ADRA1A: variants seen among roughly 807,000 people sequenced by gnomAD.
ADRA1A encodes the protein adrenoceptor alpha 1A, also known as alpha-1A adrenergic receptor.
A neutral mutation model predicts 29.6 loss-of-function variants in ADRA1A; 31 were observed. That is an observed-to-expected ratio of 1.05 (90% CI 0.79 to 1.41). ADRA1A has a LOEUF of 1.41. Among genes scored for constraint, ADRA1A ranks in the 40% most tolerant of loss-of-function variants. The probability of loss-of-function intolerance (pLI) is 0.00; values close to 1 mark genes in which losing one functional copy is unlikely to be tolerated. For missense variants in ADRA1A, 619 were observed against 601.1 expected (o/e 1.03, Z -0.31); for synonymous variants, 311 against 254.3 (o/e 1.22, Z -2.12).
downstream of ADRA1A, among the ~76,000 whole-genome samples, chr8:26,755,685 C>T (rs376029940): frequency 3.3e-5 from 5 of 152,326 alleles, no homozygotes; most frequent in African/African-American, 1.2e-4. Context: ...GGCTGAGGCC[C>T]TTCACCAAGC....
intron 2 of ADRA1A, among the ~76,000 whole-genome samples, chr8:26,822,995 C>G (rs1025826769): frequency 1.3e-5 from 2 of 152,186 alleles, no homozygotes; most frequent in African/African-American, 4.8e-5. Flanking sequence ...TCACCTCCCA[C>G]CAGGCCCCAC....
downstream of ADRA1A, among the ~76,000 whole-genome samples, chr8:26,763,855 T>C (rs1315426284): frequency 1.3e-5 from 2 of 152,170 alleles, no homozygotes; most frequent in Admixed American, 6.5e-5. This position sits in a 1 kb window ranked among gnomAD's most constrained non-coding sequence, Gnocchi z 4.5. Context: ...CAGATAAGAA[T>C]GTGTGATAGA....
intron 2 of ADRA1A, among the ~76,000 whole-genome samples, chr8:26,801,115 A>G (rs1808545542): frequency 6.6e-6 from 1 of 152,214 alleles, no homozygotes. Flanking sequence ...TTGGGTATAG[A>G]AAGAACATAT....
At chr8:26,838,633 G>A (rs778756739) in intron 2 of ADRA1A, among the ~76,000 whole-genome samples, 25 of 152,198 alleles carry the variant, frequency 1.6e-4, no homozygotes, top group Non-Finnish European at 2.9e-4. Flanking sequence ...GAAGAACTGA[G>A]CCCTGGAGAG....
intron 2 of ADRA1A, among the ~76,000 whole-genome samples, chr8:26,776,939 G>A (rs1223777652): frequency 6.6e-6 from 1 of 152,200 alleles, no homozygotes; most frequent in African/African-American, 2.4e-5. Flanking sequence ...CATCCAATGA[G>A]CAGAGGAGAG....
chr8:26,749,776 C>T (rs1012598651), intron 2 of ADRA1A, among the ~76,000 whole-genome samples: 14 of 152,142 alleles, frequency 9.2e-5, no homozygotes, highest in African/African-American at 3.1e-4. Context: ...AAAAGGAATG[C>T]ACAATCTGGC....
At chr8:26,826,636 G>T (rs549490629) in intron 2 of ADRA1A, among the ~76,000 whole-genome samples, 1 of 152,076 alleles carries the variant, frequency 6.6e-6, no homozygotes, top group Admixed American at 6.6e-5. Flanking sequence ...TGACCCCTGC[G>T]GTGCTCATCG....
chr8:26,812,011 A>G (rs890290491), intron 2 of ADRA1A, among the ~76,000 whole-genome samples: 10 of 152,230 alleles, frequency 6.6e-5, no homozygotes, highest in Non-Finnish European at 1.2e-4. Context: ...AAGCAGCCAA[A>G]AACATTCTTA....
intron 2 of ADRA1A, among the ~76,000 whole-genome samples, chr8:26,781,323 A>G (rs982521720): frequency 3.3e-5 from 5 of 152,226 alleles, no homozygotes; most frequent in East Asian, 1.9e-4. Flanking sequence ...GACACATTCA[A>G]TCCTCCTGGT....
chr8:26,828,452 A>G (rs1261444698), intron 2 of ADRA1A, among the ~76,000 whole-genome samples: 1 of 152,104 alleles, frequency 6.6e-6, no homozygotes, highest in African/African-American at 2.4e-5. Context: ...AAAACACTAC[A>G]CACCTAGAAG....
At chr8:26,800,582 A>T (rs1170420407) in intron 2 of ADRA1A, among the ~76,000 whole-genome samples, 1 of 152,192 alleles carries the variant, frequency 6.6e-6, no homozygotes, top group Non-Finnish European at 1.5e-5. Flanking sequence ...ATAGACCAAT[A>T]ACAAGTAATA....
Position 26,864,039 on chromosome 8 carries a change from G to T in ADRA1A, c.883+48C>A. 6.5e-7 allele frequency: 1 copy of T among 1,549,006 alleles called. No individual in the cohort carries two copies. The highest frequency in any genetic ancestry group is 8.7e-7 in the Non-Finnish European group (1 of 1,147,740). On this transcript the variant is annotated intron_variant, in intron 2 of 2. Coordinates refer to ENST00000380573, the MANE Select transcript of ADRA1A (RefSeq NM_000680.4). The surrounding 1 kb of genome is among the most constrained non-coding windows in gnomAD (Gnocchi z 8.1). ...GGAGTCTGGGGTAACAGAAGCCGAG[G>T]AGGGTGAAGACCCCCAGATGCTAAA...
At chr8:26,772,398 C>T (rs139224622) in intron 2 of ADRA1A, among the ~76,000 whole-genome samples, 137 of 152,248 alleles carry the variant, frequency 9.0e-4, no homozygotes, top group African/African-American at 3.3e-3. Flanking sequence ...ACTTTCCTTC[C>T]ACCTCCTTTC....
intron 2 of ADRA1A, among the ~76,000 whole-genome samples, chr8:26,835,046 T>C (rs1334343829): frequency 6.6e-6 from 1 of 152,220 alleles, no homozygotes; most frequent in Non-Finnish European, 1.5e-5. Flanking sequence ...CAAGCCCCTA[T>C]TTTTATTACT....
intron 2 of ADRA1A, among the ~76,000 whole-genome samples, chr8:26,788,193 A>G (rs1807543110): frequency 6.6e-6 from 1 of 152,138 alleles, no homozygotes; most frequent in Admixed American, 6.5e-5. Flanking sequence ...ATAAGGTATA[A>G]TTTTATTTAT....
Position 26,841,288 on chromosome 8 carries a change from C to G in ADRA1A, c.883+22799G>C, listed in dbSNP as rs745404063. On this transcript the variant is annotated intron_variant, in intron 2 of 2. Transcript: ENST00000380573. This position sits in a 1 kb window ranked among gnomAD's most constrained non-coding sequence, Gnocchi z 4.4. ...CGCTGACAGGTTGGCTTCAAGTGAC[C>G]GTTCCAATCTCAGAGGACCACAGTC... 6.6e-6 allele frequency among the ~76,000 whole-genome samples: 1 copy of G among 152,122 alleles called. No individual in the cohort carries two copies.
rs1810323520 is a variant in ADRA1A, at chr8:26,823,439, A to C, written c.883+40648T>G. Among the ~76,000 whole-genome samples the C allele has an allele frequency of 6.6e-6, 1 of 152,208 alleles. No homozygotes were observed. The highest frequency in any genetic ancestry group is 1.5e-5 in the Non-Finnish European group (1 of 68,046). ...GTGAGCCGTATCTCTGATACCTTCTAAAATGTTAGCTAGAGAAAGCAGAGG... is the reference window on the plus strand; with the variant it reads ...GTGAGCCGTATCTCTGATACCTTCTCAAATGTTAGCTAGAGAAAGCAGAGG... On this transcript the variant is annotated intron_variant, in intron 2 of 2. Transcript: ENST00000380573. The surrounding 1 kb of genome is among the most constrained non-coding windows in gnomAD (Gnocchi z 4.2).
At chr8:26,846,963 G>T (rs574286503) in intron 2 of ADRA1A, among the ~76,000 whole-genome samples, 2 of 151,952 alleles carry the variant, frequency 1.3e-5, no homozygotes, top group Non-Finnish European at 2.9e-5. Flanking sequence ...GGAAACTATC[G>T]CAAGAACAAA....
chr8:26,864,330 C>G lies in ADRA1A; in HGVS notation c.640G>C (p.Glu214Gln). The change falls in exon 2 of 3, where the codon GAG (glutamate) becomes CAG (glutamine). Residue 214 changes from glutamate (E) to glutamine (Q), a missense_variant. By Grantham distance (29) the Glu-to-Gln change is conservative. Coordinates refer to ENST00000380573, the MANE Select transcript of ADRA1A (RefSeq NM_000680.4). The surrounding 1 kb of genome is among the most constrained non-coding windows in gnomAD (Gnocchi z 8.1). The part of the protein sequence containing the change: ...YCRVYVVAKR[E>Q]SRGLKSGLKT... ...AGGCCAGACTTGAGGCCCCGGCTCT[C>G]CCTCTTGGCCACCACGTAGACGCGG... The G allele has an allele frequency of 6.2e-7, 1 of 1,614,096 alleles. No homozygotes were observed. The highest frequency in any genetic ancestry group is 8.5e-7 in the Non-Finnish European group (1 of 1,179,992).
Sources: allele counts gnomAD v4.1 joint callset (sites outside exome capture counted in the v4.1 genomes callset), GRCh38; gene constraint gnomAD v4.1.1; non-coding constraint Gnocchi (gnomAD v3.1); transcripts MANE v1.5; gene names NCBI Gene and HGNC (gene_info 2026-07-23, HGNC 2026-07-21).